Variants in DNM3 observed in about 807,000 individuals in gnomAD.
The protein encoded by DNM3 is dynamin-3.
A neutral mutation model predicts 101.6 loss-of-function variants in DNM3; 47 were observed. That is an observed-to-expected ratio of 0.46 (90% CI 0.37 to 0.59). DNM3 has a LOEUF of 0.59. DNM3 is among the 20% of genes least tolerant of loss of function. The pLI, the probability that DNM3 is intolerant of heterozygous loss-of-function variation, is 0.00. For synonymous variants in DNM3, 385 were observed against 387.9 expected, an observed-to-expected ratio of 0.99 and a Z score of 0.09; for missense variants, 849 against 1,085.7, an observed-to-expected ratio of 0.78 and a Z score of 3.06.
intron 10 of DNM3, among the ~76,000 whole-genome samples, chr1:172,064,180 A>C (rs2051472007): frequency 6.6e-6 from 1 of 152,196 alleles, no homozygotes; most frequent in Non-Finnish European, 1.5e-5. Context: ...ACCAATTTAT[A>C]GGTTATTTAA....
At chr1:171,927,508 C>T (rs1360006787) in intron 2 of DNM3, among the ~76,000 whole-genome samples, 2 of 152,174 alleles carry the variant, frequency 1.3e-5, no homozygotes, top group Non-Finnish European at 2.9e-5. Context: ...ATTTGGTTTT[C>T]TGTTCCTGCG....
At chr1:172,337,872 TTTTATTTTATTTTA>T (rs2066506527) in intron 17 of DNM3, among the ~76,000 whole-genome samples, 4 of 80,626 alleles carry the variant, frequency 5.0e-5, no homozygotes, top group African/African-American at 3.4e-4. Context: ...TTTATTTTTA[TTTTATTTTATTTTA>T]TTTTATTTTA....
intron 2 of DNM3, among the ~76,000 whole-genome samples, chr1:171,980,056 A>G (rs1271032140): frequency 6.6e-6 from 1 of 151,240 alleles, no homozygotes; most frequent in East Asian, 1.9e-4. Flanking sequence ...ACTTACTCCC[A>G]TCTCACCCTA....
chr1:172,336,062 T>G (rs1303760537), intron 17 of DNM3, among the ~76,000 whole-genome samples: 1 of 152,146 alleles, frequency 6.6e-6, no homozygotes, highest in Non-Finnish European at 1.5e-5. Flanking sequence ...CATATTTGAT[T>G]GTCACAGCCG....
chr1:172,308,064 CT>C (rs2064919165), intron 15 of DNM3, among the ~76,000 whole-genome samples: 1 of 151,970 alleles, frequency 6.6e-6, no homozygotes, highest in Non-Finnish European at 1.5e-5. Flanking sequence ...AAGGTTATCT[CT>C]AGGCTGTGGA....
intron 18 of DNM3, chr1:172,380,639 T>A (rs1410346355): frequency 6.6e-6 from 1 of 152,048 alleles, no homozygotes; most frequent in Non-Finnish European, 1.5e-5. Context: ...AAAACTACAG[T>A]GAGGTACCTC....
At chr1:172,056,776 A>T (rs1200753440) in intron 10 of DNM3, among the ~76,000 whole-genome samples, 3 of 152,206 alleles carry the variant, frequency 2.0e-5, no homozygotes, top group Non-Finnish European at 4.4e-5. Flanking sequence ...AACTCTAAAA[A>T]AGCAGAGTGC....
chr1:172,095,645 T>C (rs1470413584), intron 13 of DNM3, among the ~76,000 whole-genome samples: 1 of 152,164 alleles, frequency 6.6e-6, no homozygotes, highest in Non-Finnish European at 1.5e-5. Context: ...TTGGTGGGGC[T>C]GAAACACTCT....
intron 14 of DNM3, among the ~76,000 whole-genome samples, chr1:172,231,771 A>G (rs903261045): frequency 4.6e-5 from 7 of 152,232 alleles, no homozygotes; most frequent in Admixed American, 4.6e-4. Flanking sequence ...GCTGAAAACC[A>G]TGGCACGAGA....
rs115696650 is a variant in DNM3, at chr1:172,074,708, G to A, written c.1422+5803G>A. ...ATATGAGCCACATTTTCTTTATCCA[G>A]TGTATCATTGATGGCATTTTGGTTG... On this transcript the variant is annotated intron_variant, in intron 11 of 20. Coordinates refer to ENST00000627582, the MANE Select transcript of DNM3 (RefSeq NM_015569.5). Among the ~76,000 whole-genome samples, 1,116 of 152,274 alleles carry A rather than the reference G, an allele frequency of 7.3e-3. 19 individuals are homozygous for A. Among genetic ancestry groups the A allele is most frequent in the African/African-American group, 0.025 (1,054 of 41,530 alleles).
intron 15 of DNM3, among the ~76,000 whole-genome samples, chr1:172,271,635 C>T (rs1004147643): frequency 3.9e-5 from 6 of 151,976 alleles, no homozygotes; most frequent in Non-Finnish European, 7.4e-5. Context: ...CTTTGATATT[C>T]CACCAAAACT....
chr1:172,295,302 A>G (rs1573338416), intron 15 of DNM3, among the ~76,000 whole-genome samples: 2 of 152,234 alleles, frequency 1.3e-5, no homozygotes, highest in Non-Finnish European at 2.9e-5. Flanking sequence ...TCCAGGTAGA[A>G]GATGCCTGAT....
At chr1:171,871,864 G>GTT (rs57412557) in intron 1 of DNM3, among the ~76,000 whole-genome samples, 18,331 of 136,308 alleles carry the variant, frequency 0.13, 1,481 homozygotes, top group East Asian at 0.44. Flanking sequence ...TTGTTGTCTT[G>GTT]TTTTTTTTTT....
chr1:172,344,788 C>T (rs181056713), intron 17 of DNM3, among the ~76,000 whole-genome samples: 77 of 152,146 alleles, frequency 5.1e-4, no homozygotes, highest in African/African-American at 1.8e-3. Flanking sequence ...TCGAAATAGA[C>T]GAGGAATCAC....
chr1:172,346,008 A>C (rs1215261434), intron 17 of DNM3, among the ~76,000 whole-genome samples: 8 of 151,506 alleles, frequency 5.3e-5, no homozygotes, highest in Non-Finnish European at 1.0e-4. Context: ...TTGTAGTCCC[A>C]GTTACTCAGG....
At chr1:172,371,337 C>T (rs2068311705) in intron 17 of DNM3, among the ~76,000 whole-genome samples, 1 of 151,904 alleles carries the variant, frequency 6.6e-6, no homozygotes. Flanking sequence ...AAGATTGTAG[C>T]CTGATTTATT....
At chr1:172,310,264 T>C (rs1244282263) in intron 16 of DNM3, 2 of 152,220 alleles carry the variant, frequency 1.3e-5, no homozygotes, top group Admixed American at 6.5e-5. Flanking sequence ...ATGTTCTATA[T>C]TAAAAATGCA....
intron 14 of DNM3, among the ~76,000 whole-genome samples, chr1:172,163,440 A>G (rs1049244535): frequency 1.3e-4 from 19 of 151,808 alleles, no homozygotes; most frequent in Admixed American, 1.2e-3. Context: ...AGGTTTCGCC[A>G]TGTTAGCCAG....
At position 172,005,226 on chromosome 1, in the gene DNM3, T is replaced by TA. The variant is rs1396644780; in HGVS notation, c.589+16081dup. Among the ~76,000 whole-genome samples, 3 of 152,182 alleles carry TA rather than the reference T, an allele frequency of 2.0e-5. No individual in the cohort carries two copies. The East Asian group carries it at 5.8e-4, about 30-fold the overall frequency. ...CTTCCTTTTAGGACTGTTTTGATAT[T>TA]AAATGAGTTAATGTCTGCAAAGTAC... On this transcript the variant is annotated intron_variant, in intron 4 of 20. Transcript: ENST00000627582.
Sources: gnomAD v4.1 joint callset for allele counts (sites outside exome capture counted in the v4.1 genomes callset) on GRCh38, gnomAD v4.1.1 for gene constraint, MANE v1.5 for transcripts, NCBI Gene and HGNC (gene_info 2026-07-23, HGNC 2026-07-21) for gene names.